BMPR1B: variants seen among roughly 807,000 people sequenced by gnomAD.
BMPR1B encodes the protein bone morphogenetic protein receptor type-1B.
A neutral mutation model predicts 59.1 loss-of-function variants in BMPR1B; 12 were observed. The observed-to-expected ratio is 0.20, with a 90% CI of 0.13 to 0.33. BMPR1B has a LOEUF of 0.33. Ranked by LOEUF, BMPR1B falls within the 10% of genes least tolerant of loss-of-function variation. The probability of loss-of-function intolerance (pLI) is 1.00; values close to 1 mark genes in which losing one functional copy is unlikely to be tolerated. For missense variants in BMPR1B, 550 were observed against 610.9 expected (o/e 0.90, Z 1.05); for synonymous variants, 237 against 207.3 (o/e 1.14, Z -1.23).
At chr4:94,990,611 G>C (rs1721673154) in intron 2 of BMPR1B, among the ~76,000 whole-genome samples, 1 of 152,176 alleles carries the variant, frequency 6.6e-6, no homozygotes, top group African/African-American at 2.4e-5. Context: ...CAGTGTAACT[G>C]AAGAAAGAAG....
At chr4:95,017,262 G>A (rs1723646734) in intron 3 of BMPR1B, among the ~76,000 whole-genome samples, 2 of 152,180 alleles carry the variant, frequency 1.3e-5, no homozygotes, top group Admixed American at 6.5e-5. Flanking sequence ...AAGTTGGAAG[G>A]CCAGGTTCCA....
At chr4:94,948,865 G>A (rs145271014) in intron 2 of BMPR1B, among the ~76,000 whole-genome samples, 6 of 152,168 alleles carry the variant, frequency 3.9e-5, no homozygotes, top group Non-Finnish European at 7.3e-5. Flanking sequence ...GAGGTTGTGA[G>A]GCATACCTTG....
chr4:94,780,825 A>G (rs777611885), intron 1 of BMPR1B, among the ~76,000 whole-genome samples: 1 of 151,228 alleles, frequency 6.6e-6, no homozygotes, highest in East Asian at 2.0e-4. Flanking sequence ...AGTAGCTGGG[A>G]CTATAGGTGC....
chr4:95,006,859 C>T (rs183023643), intron 3 of BMPR1B, among the ~76,000 whole-genome samples: 14 of 152,170 alleles, frequency 9.2e-5, no homozygotes, highest in Admixed American at 9.2e-4. Context: ...ATTCTTAAAA[C>T]TTTACAGTAT....
At chr4:94,980,815 G>T (rs956735109) in intron 2 of BMPR1B, among the ~76,000 whole-genome samples, 1 of 152,138 alleles carries the variant, frequency 6.6e-6, no homozygotes, top group South Asian at 2.1e-4. Context: ...GGGAAGACAG[G>T]TACTTAATAC....
chr4:94,899,456 T>C (rs1247643485), intron 2 of BMPR1B, among the ~76,000 whole-genome samples: 2 of 149,430 alleles, frequency 1.3e-5, no homozygotes, highest in Admixed American at 6.7e-5. Context: ...CACACACACA[T>C]ATATATTTAA....
chr4:94,927,824 C>T (rs17022647), intron 2 of BMPR1B, among the ~76,000 whole-genome samples: 2,379 of 152,122 alleles, frequency 0.016, 67 homozygotes, highest in African/African-American at 0.049. Context: ...CAGAAAGTTG[C>T]ACAGATAGAG....
chr4:94,986,456 T>C (rs1264213434), intron 2 of BMPR1B, among the ~76,000 whole-genome samples: 1 of 152,210 alleles, frequency 6.6e-6, no homozygotes, highest in Non-Finnish European at 1.5e-5. Context: ...CATCTTAAAG[T>C]CTAATTTAAT....
chr4:94,864,957 T>C (rs1227923540), intron 1 of BMPR1B, among the ~76,000 whole-genome samples: 1 of 152,152 alleles, frequency 6.6e-6, no homozygotes, highest in African/African-American at 2.4e-5. Context: ...TTAGAAATGA[T>C]ACACCTGAAT....
intron 1 of BMPR1B, among the ~76,000 whole-genome samples, chr4:94,790,228 C>T (rs1332991554): frequency 2.0e-5 from 3 of 151,984 alleles, no homozygotes; most frequent in South Asian, 2.1e-4. Flanking sequence ...CTCTAACCCC[C>T]GCATTGTTAT....
chr4:94,908,799 T>C (rs1728166592), intron 2 of BMPR1B, among the ~76,000 whole-genome samples: 1 of 152,026 alleles, frequency 6.6e-6, no homozygotes, highest in African/African-American at 2.4e-5. Context: ...AAAACCCTTA[T>C]CTTTTGCTTG....
At chr4:94,798,315 G>C (rs1233277635) in intron 1 of BMPR1B, among the ~76,000 whole-genome samples, 1 of 152,190 alleles carries the variant, frequency 6.6e-6, no homozygotes, top group Non-Finnish European at 1.5e-5. Flanking sequence ...AAAAGTTGGT[G>C]CTGACTGTTG....
At chr4:95,050,236 A>G (rs1299780148) in intron 3 of BMPR1B, among the ~76,000 whole-genome samples, 1 of 152,160 alleles carries the variant, frequency 6.6e-6, no homozygotes, top group Non-Finnish European at 1.5e-5. Flanking sequence ...ACTAAAAGGG[A>G]TATGGATAAA....
chr4:94,860,074 C>T (rs58645352), intron 1 of BMPR1B, among the ~76,000 whole-genome samples: 17,659 of 152,118 alleles, frequency 0.12, 1,079 homozygotes, highest in Non-Finnish European at 0.14. Flanking sequence ...ATTTTCTGCC[C>T]CCATTCTCTC....
intron 3 of BMPR1B, among the ~76,000 whole-genome samples, chr4:95,080,580 A>G (rs897868609): frequency 3.9e-5 from 6 of 152,196 alleles, no homozygotes; most frequent in Non-Finnish European, 8.8e-5. Flanking sequence ...ATGACTGGTT[A>G]TTGGTCATCT....
At chr4:94,784,042 A>G (rs550242464) in intron 1 of BMPR1B, among the ~76,000 whole-genome samples, 3 of 152,272 alleles carry the variant, frequency 2.0e-5, no homozygotes, top group South Asian at 2.1e-4. Flanking sequence ...AAGATTTAGT[A>G]TGCTTCCTTG....
At chr4:95,126,278 G>A (rs917420580) in intron 8 of BMPR1B, among the ~76,000 whole-genome samples, 9 of 152,174 alleles carry the variant, frequency 5.9e-5, no homozygotes, top group South Asian at 2.1e-4. Context: ...TATTATAGGC[G>A]CTGTTCAATA....
Position 94,897,364 on chromosome 4 carries a change from C to T in BMPR1B, c.-113+21464C>T, listed in dbSNP as rs188890974. 1.6e-3 allele frequency among the ~76,000 whole-genome samples: 237 copies of T among 152,072 alleles called. 3 individuals are homozygous for T. The East Asian group carries it at 0.04, about 25-fold the overall frequency. ...ATATTCAAAATCATTATAGATAATG[C>T]GATGCATTGAAAGGCATTTGGGAAT... On this transcript the variant is annotated intron_variant, in intron 2 of 12. Transcript: ENST00000515059.
At chr4:95,042,078 G>C (rs144161666) in intron 3 of BMPR1B, among the ~76,000 whole-genome samples, 342 of 152,128 alleles carry the variant, frequency 2.2e-3, no homozygotes, top group Admixed American at 4.7e-3. Flanking sequence ...GGATGGTCTC[G>C]ATCTCCTGAC....
Sources: allele counts gnomAD v4.1 joint callset (sites outside exome capture counted in the v4.1 genomes callset), GRCh38; gene constraint gnomAD v4.1.1; transcripts MANE v1.5; gene names NCBI Gene and HGNC (gene_info 2026-07-23, HGNC 2026-07-21).